The following TUB variants were observed in gnomAD, a reference collection of about 807,000 sequenced individuals.
The protein encoded by TUB is tubby protein homolog.
TUB carries 33 observed loss-of-function variants against 59.7 expected under a neutral mutation model. The ratio of observed to expected loss-of-function variants is 0.55; its 90% CI spans 0.42 to 0.74. The LOEUF is 0.74. TUB is among the 30% of genes least tolerant of loss of function. TUB has a pLI of 0.00. For synonymous variants in TUB, 293 were observed against 256.4 expected (o/e 1.14, Z -1.36); for missense variants, 659 against 672.0 (o/e 0.98, Z 0.21).
intron 3 of TUB, among the ~76,000 whole-genome samples, chr11:8,091,270 G>A (rs6578925): frequency 1 from 151,794 of 152,260 alleles, 75,667 homozygotes; most frequent in Middle Eastern, 1. Context: ...GCAGCAGGTG[G>A]GTCTCACTTG....
intron 2 of TUB, among the ~76,000 whole-genome samples, chr11:8,070,410 T>C (rs1943339585): frequency 6.6e-6 from 1 of 152,074 alleles, no homozygotes; most frequent in Non-Finnish European, 1.5e-5. Context: ...ATCTTTTTCA[T>C]TCTCATTTTG....
At position 8,098,854 on chromosome 11, in the gene TUB, G is replaced by C. The variant is rs376825080; in HGVS notation, c.1095G>C (p.Gln365His). 12 of 1,614,014 alleles carry C rather than the reference G, an allele frequency of 7.4e-6. No homozygotes were observed. Among genetic ancestry groups the C allele is most frequent in the Non-Finnish European group, 9.3e-6 (11 of 1,179,876 alleles). Reference sequence around the variant, plus strand: ...CTTTGGAAAGTGGAACCTTACGTCAGGAGCTGGCAGCTGTGTGCTACGTGA... The same window carrying C: ...CTTTGGAAAGTGGAACCTTACGTCACGAGCTGGCAGCTGTGTGCTACGTGA... The part of the protein sequence containing the change: ...SSTLESGTLR[Q>H]ELAAVCYETN... The change falls in exon 9 of 12, where the codon CAG (glutamine) becomes CAC (histidine). Residue 365 changes from glutamine to histidine, a missense_variant. Around this residue, in one of 3 missense-constraint regions of TUB, gnomAD observed 226 missense variants for 210.8 expected, o/e 1.07. Coordinates refer to ENST00000299506, the MANE Select transcript of TUB (RefSeq NM_177972.3).
At position 8,081,484 on chromosome 11, in the gene TUB, G is replaced by A. The variant is rs1352625073; in HGVS notation, c.-27G>A. ...CCTCCGGGCCCCGGCCTCCAGAGCCGCAGCCACCGCCCCGCCCCCGAGAGA... is the reference window on the plus strand; with the variant it reads ...CCTCCGGGCCCCGGCCTCCAGAGCCACAGCCACCGCCCCGCCCCCGAGAGA... On this transcript the variant is annotated 5_prime_UTR_variant, in exon 1 of 12. Transcript: ENST00000299506. 2.0e-6 allele frequency: 3 copies of A among 1,495,572 alleles called. No individual in the cohort carries two copies. Among genetic ancestry groups the A allele is most frequent in the African/African-American group, 1.5e-5 (1 of 68,700 alleles). The allele number at this position is 1,495,572 out of a possible 1,614,324, so 92.6% of individuals were successfully genotyped here.
At chr11:8,100,623 C>T (rs764593959) in intron 10 of TUB, 22 bp downstream of exon 10, 5 of 1,604,948 alleles carry the variant, frequency 3.1e-6, no homozygotes, top group South Asian at 1.1e-5. Context: ...CCCCTTCCTC[C>T]CCTCTTTCCC....
rs1477025952 is a variant in TUB, at chr11:8,100,692, T to TG, written c.1215+93dup. 3.1e-5 allele frequency: 46 copies of TG among 1,482,718 alleles called. No individual in the cohort carries two copies. In the African/African-American group the frequency reaches 5.9e-4, roughly 19 times the overall value. 91.8% of individuals were successfully genotyped at this position (1,482,718 alleles called of 1,614,324 possible). On this transcript the variant is annotated intron_variant, in intron 10 of 11. Coordinates refer to ENST00000299506, the MANE Select transcript of TUB (RefSeq NM_177972.3). ...CAGAACTCCAGCTGATGTGTGTATG[T>TG]GGAGGGGTACCATGTGAGAAAGCCC...
upstream of TUB, chr11:8,076,599 A>T (rs990295008): frequency 6.6e-6 from 1 of 152,174 alleles, no homozygotes; most frequent in Non-Finnish European, 1.5e-5. Context: ...GAAGCATCCC[A>T]TCTCATCCTC....
chr11:8,043,462 C>A (rs1011032722), intron 2 of TUB, among the ~76,000 whole-genome samples: 26 of 152,126 alleles, frequency 1.7e-4, no homozygotes, highest in African/African-American at 5.6e-4. Flanking sequence ...CACAAAGAAG[C>A]CAGCCAGTAT....
intron 9 of TUB, 69 bp from the exon 10 acceptor site, chr11:8,100,434 C>A (rs903426427): frequency 5.7e-6 from 7 of 1,238,082 alleles, no homozygotes; most frequent in Non-Finnish European, 8.2e-6. Flanking sequence ...TCTTTATTCC[C>A]GTCCCCCCCA....
At chr11:8,067,246 C>T (rs1213537536) in intron 2 of TUB, among the ~76,000 whole-genome samples, 6 of 152,184 alleles carry the variant, frequency 3.9e-5, no homozygotes, top group East Asian at 1.9e-4. Flanking sequence ...TGTTGCTCCC[C>T]GTTTCCTTTC....
chr11:8,029,561 G>A (rs1942543005), intron 1 of TUB, among the ~76,000 whole-genome samples: 1 of 151,898 alleles, frequency 6.6e-6, no homozygotes, highest in Non-Finnish European at 1.5e-5. Flanking sequence ...GCTAATCTTT[G>A]TATTTTTGGT....
In TUB at chr11:8,100,812, G is replaced by C; in HGVS notation, c.1216-14G>C. Reference sequence around the variant, plus strand: ...AAAGGCCTGGGCCTGGCTCAGGTGAGGCTGCCCTCCCAGGAGCATGAGACA... The same window carrying C: ...AAAGGCCTGGGCCTGGCTCAGGTGACGCTGCCCTCCCAGGAGCATGAGACA... On this transcript the variant is annotated splice_polypyrimidine_tract_variant and intron_variant, in intron 10 of 11. Transcript: ENST00000299506. The C allele has an allele frequency of 1.2e-6, 2 of 1,613,204 alleles. No homozygotes were observed. Among genetic ancestry groups the C allele is most frequent in the East Asian group, 2.2e-5 (1 of 44,862 alleles).
At chr11:8,039,915 C>A (rs192305039) in intron 2 of TUB, among the ~76,000 whole-genome samples, 362 of 152,272 alleles carry the variant, frequency 2.4e-3, no homozygotes, top group African/African-American at 7.8e-3. Flanking sequence ...CCTCTTGGAT[C>A]CTCCTGTGGT....
At chr11:8,057,955 G>A (rs11041725) in intron 2 of TUB, among the ~76,000 whole-genome samples, 63,309 of 151,828 alleles carry the variant, frequency 0.42, 15,333 homozygotes, top group Middle Eastern at 0.6. Flanking sequence ...CTGGCCTGCC[G>A]CACCAGCACT....
In TUB at chr11:8,097,297, G is replaced by A. The variant is rs757268569; in HGVS notation, c.757G>A (p.Glu253Lys). 2.5e-6 allele frequency: 4 copies of A among 1,614,074 alleles called. No individual in the cohort carries two copies. Among genetic ancestry groups the A allele is most frequent in the Non-Finnish European group, 2.5e-6 (3 of 1,180,048 alleles). The change falls in exon 7 of 12, where the codon GAG (glutamate) becomes AAG (lysine). Residue 253 changes from glutamate (E) to lysine (K), a missense_variant. Transcript: ENST00000299506. ...PVDVEVQDLE[E>K]FALRPAPQGI... is the part of the protein sequence containing the mutation. ...GGACGTTGAGGTCCAGGATCTTGAG[G>A]AGTTTGCACTGAGGCCGGCCCCCCA...
chr11:8,035,085 G>A (rs951400915), upstream of TUB, among the ~76,000 whole-genome samples: 4 of 152,206 alleles, frequency 2.6e-5, no homozygotes, highest in Admixed American at 6.5e-5. Context: ...CTAGGGTGAG[G>A]CTAGAAAGAC....
intron 2 of TUB, among the ~76,000 whole-genome samples, chr11:8,050,692 A>G (rs1162803961): frequency 6.6e-6 from 1 of 152,200 alleles, no homozygotes; most frequent in Non-Finnish European, 1.5e-5. Context: ...CATAAATAAA[A>G]CGGCCTGGTT....
intron 1 of TUB, among the ~76,000 whole-genome samples, chr11:8,029,601 C>T (rs1243968947): frequency 1.3e-5 from 2 of 152,074 alleles, no homozygotes; most frequent in Admixed American, 6.6e-5. Context: ...TTTGGTCAGG[C>T]TGGTCTCAAA....
chr11:8,067,672 G>C (rs1338120298), intron 2 of TUB: 3 of 152,266 alleles, frequency 2.0e-5, no homozygotes, highest in South Asian at 2.1e-4. Context: ...TGTCCTCAAG[G>C]AGCTTCTATG....
chr11:8,065,574 C>T (rs559589438), intron 2 of TUB, among the ~76,000 whole-genome samples: 1 of 152,290 alleles, frequency 6.6e-6, no homozygotes, highest in South Asian at 2.1e-4. Context: ...TAGTTGTTAA[C>T]AAATGTCAGT....
Sources: gnomAD v4.1 joint callset for allele counts (sites outside exome capture counted in the v4.1 genomes callset) on GRCh38, gnomAD v4.1.1 for gene constraint, gnomAD v4.1.1 regional missense constraint, MANE v1.5 for transcripts, NCBI Gene and HGNC (gene_info 2026-07-23, HGNC 2026-07-21) for gene names.